The following PLBD1 variants were observed in gnomAD, a reference collection of about 807,000 sequenced individuals.
The protein encoded by PLBD1 is lysosomal leucine aminopeptidase.
Under a neutral mutation model 63.0 loss-of-function variants are expected in PLBD1, and 60 were observed. The observed-to-expected ratio is 0.95, with a 90% CI of 0.77 to 1.18. The LOEUF is 1.18. Ranked by LOEUF, PLBD1 falls within the 50% of genes most tolerant of loss-of-function variation. PLBD1 has a pLI of 0.00. For synonymous variants in PLBD1, 262 were observed against 248.0 expected (o/e 1.06, Z -0.53); for missense variants, 598 against 677.9 (o/e 0.88, Z 1.31).
At chr12:14,516,101 C>T (rs752693201) in intron 6 of PLBD1, among the ~76,000 whole-genome samples, 6 of 149,854 alleles carry the variant, frequency 4.0e-5, no homozygotes, top group Non-Finnish European at 8.9e-5. Context: ...GAGGCTGAGG[C>T]AGGTGGATCA....
chr12:14,541,513 G>A (rs144757444), intron 3 of PLBD1, among the ~76,000 whole-genome samples: 11 of 152,042 alleles, frequency 7.2e-5, no homozygotes, highest in African/African-American at 1.7e-4. Flanking sequence ...ATAACTTTGC[G>A]TACTGAAAAC....
At chr12:14,540,089 G>T in intron 4 of PLBD1, among the ~76,000 whole-genome samples, 1 of 43,674 alleles carries the variant, frequency 2.3e-5, no homozygotes, top group Non-Finnish European at 4.4e-5. Flanking sequence ...CAAAAAGAGA[G>T]TTATATAATA....
intron 2 of PLBD1, among the ~76,000 whole-genome samples, chr12:14,550,510 T>C (rs1045140402): frequency 4.6e-5 from 7 of 152,204 alleles, no homozygotes; most frequent in African/African-American, 1.7e-4. Flanking sequence ...AGTTCCTGAA[T>C]AGTATAGCGA....
intron 8 of PLBD1, 71 bp downstream of exon 8, chr12:14,511,189 T>G: frequency 3.6e-6 from 5 of 1,392,424 alleles, no homozygotes; most frequent in Non-Finnish European, 4.9e-6. Context: ...TCACACAATG[T>G]GCATTCCCCT....
chr12:14,553,486 C>A, intron 1 of PLBD1, 74 bp from the exon 2 acceptor site: 7 of 1,139,266 alleles, frequency 6.1e-6, no homozygotes, highest in Non-Finnish European at 9.1e-6. Context: ...ATGTATCCAA[C>A]AATTTCAAGA....
At chr12:14,549,787 C>G (rs1338487227) in intron 2 of PLBD1, among the ~76,000 whole-genome samples, 1 of 152,226 alleles carries the variant, frequency 6.6e-6, no homozygotes, top group African/African-American at 2.4e-5. Flanking sequence ...CCTTCCTCAG[C>G]CTCCCAAGTA....
rs781372711 is a variant in PLBD1 at position 14,536,604 on chromosome 12, C to A, written c.665G>T (p.Arg222Ile). Residue 222 changes from arginine (R) to isoleucine (I), a missense_variant, in exon 5 of 11, where the codon AGA becomes ATA. Transcript: ENST00000240617. ...AGCGGAGCAATGTCCCATGTCCCAT[C>A]TCTTAAAAACCTTTAGGCTGCCGTT... The part of the protein sequence containing the change: ...TKNGSLKVFK[R>I]WDMGHCSALI... 3 of 1,614,200 alleles carry A rather than the reference C, an allele frequency of 1.9e-6. No homozygotes were observed. The highest frequency in any genetic ancestry group is 2.5e-6 in the Non-Finnish European group (3 of 1,180,046).
At chr12:14,526,929 A>G (rs896653977) in intron 6 of PLBD1, among the ~76,000 whole-genome samples, 1 of 152,190 alleles carries the variant, frequency 6.6e-6, no homozygotes, top group Non-Finnish European at 1.5e-5. Flanking sequence ...CTAAGATTGC[A>G]CCATTGCACT....
chr12:14,528,706 GAAGA>G (rs994261236), intron 6 of PLBD1, among the ~76,000 whole-genome samples: 2 of 151,590 alleles, frequency 1.3e-5, no homozygotes, highest in Non-Finnish European at 1.5e-5. Context: ...AAAGTAAGTA[GAAGA>G]AAGAAAATAA....
intron 6 of PLBD1, among the ~76,000 whole-genome samples, chr12:14,519,626 A>G (rs1460081246): frequency 6.6e-6 from 1 of 151,854 alleles, no homozygotes; most frequent in Non-Finnish European, 1.5e-5. Context: ...CTTAAAAAAA[A>G]AAAAAAAAAA....
chr12:14,530,884 G>A (rs75431576), intron 6 of PLBD1, among the ~76,000 whole-genome samples: 369 of 152,318 alleles, frequency 2.4e-3, no homozygotes, highest in African/African-American at 8.6e-3. Context: ...GCTGTTACTA[G>A]GCAAACAGAC....
At chr12:14,525,744 A>G (rs1945411973) in intron 6 of PLBD1, among the ~76,000 whole-genome samples, 1 of 151,650 alleles carries the variant, frequency 6.6e-6, no homozygotes, top group Non-Finnish European at 1.5e-5. Flanking sequence ...AATTTTTTAA[A>G]AGACAGTAAG....
chr12:14,537,404 A>T (rs1350155780), intron 4 of PLBD1, among the ~76,000 whole-genome samples: 1 of 152,214 alleles, frequency 6.6e-6, no homozygotes, highest in African/African-American at 2.4e-5. Context: ...ACTAGGTACC[A>T]GCAGCAACTT....
intron 10 of PLBD1, among the ~76,000 whole-genome samples, chr12:14,504,863 A>G (rs1029848625): frequency 3.3e-5 from 5 of 152,216 alleles, no homozygotes; most frequent in Non-Finnish European, 7.3e-5. Flanking sequence ...TTTTTAAAGA[A>G]TATCCTTCAA....
rs140656566 is a variant in PLBD1 at position 14,526,953 on chromosome 12, C to T, written c.844+8706G>A. On this transcript the variant is annotated intron_variant, in intron 6 of 10. Transcript: ENST00000240617. ...CACCATTGCACTCCAGCCTTGGCAA[C>T]AAGAGCGAAACTCCATCTCAAAATA... Among the ~76,000 whole-genome samples the T allele has an allele frequency of 2.8e-3, 425 of 152,228 alleles. 3 individuals carry two copies. The highest frequency in any genetic ancestry group is 9.4e-3 in the African/African-American group (391 of 41,532).
At chr12:14,563,633 A>G (rs546616474) in intron 1 of PLBD1, among the ~76,000 whole-genome samples, 1 of 152,330 alleles carries the variant, frequency 6.6e-6, no homozygotes, top group South Asian at 2.1e-4. Flanking sequence ...TGGCCACTCA[A>G]TTATACAGCA....
chr12:14,544,102 T>C (rs558230855), intron 2 of PLBD1, among the ~76,000 whole-genome samples: 58 of 152,106 alleles, frequency 3.8e-4, no homozygotes, highest in African/African-American at 1.4e-3. Context: ...TTAAGATTGT[T>C]CCCTTTATCT....
At chr12:14,567,439 G>A in intron 1 of PLBD1, 143 bp downstream of exon 1, 4 of 1,207,072 alleles carry the variant, frequency 3.3e-6, no homozygotes, top group Middle Eastern at 3.0e-4. Context: ...GAGCGAGACC[G>A]CCGGCCGGAG....
At chr12:14,517,703 T>A (rs1945346923) in intron 6 of PLBD1, among the ~76,000 whole-genome samples, 1 of 152,154 alleles carries the variant, frequency 6.6e-6, no homozygotes, top group African/African-American at 2.4e-5. Context: ...CTCGACTGCA[T>A]TAACATGCCA....
Sources: allele counts gnomAD v4.1 joint callset (sites outside exome capture counted in the v4.1 genomes callset), GRCh38; gene constraint gnomAD v4.1.1; transcripts MANE v1.5; gene names NCBI Gene and HGNC (gene_info 2026-07-23, HGNC 2026-07-21).